CNGA3: variants seen among roughly 807,000 people sequenced by gnomAD.
CNGA3 encodes cyclic nucleotide gated channel subunit alpha 3, also known as cyclic nucleotide-gated channel alpha-3.
A neutral mutation model predicts 46.6 loss-of-function variants in CNGA3; 42 were observed. The observed-to-expected ratio is 0.90, with a 90% CI of 0.70 to 1.17. CNGA3 has a LOEUF of 1.17. CNGA3 is among the 50% of genes most tolerant of loss of function. The probability of loss-of-function intolerance (pLI) is 0.00; values close to 1 mark genes in which losing one functional copy is unlikely to be tolerated. For missense variants in CNGA3, 893 were observed against 890.7 expected, an observed-to-expected ratio of 1.00 and a Z score of -0.03; for synonymous variants, 394 against 369.4, an observed-to-expected ratio of 1.07 and a Z score of -0.76.
chr2:98,373,345 A>C (rs1034623209), intron 2 of CNGA3, among the ~76,000 whole-genome samples: 2 of 152,232 alleles, frequency 1.3e-5, no homozygotes, highest in Non-Finnish European at 2.9e-5. Flanking sequence ...CAGTCCTTTT[A>C]GAAAGCTTTA....
chr2:98,393,785 G>A (rs1313627231), intron 7 of CNGA3, among the ~76,000 whole-genome samples: 1 of 152,032 alleles, frequency 6.6e-6, no homozygotes, highest in African/African-American at 2.4e-5. Context: ...GGGAGGCACA[G>A]GAATCACACT....
chr2:98,370,342 C>G (rs560170842), intron 2 of CNGA3, among the ~76,000 whole-genome samples: 141 of 152,310 alleles, frequency 9.3e-4, no homozygotes, highest in Middle Eastern at 3.4e-3. Flanking sequence ...AATGAAGACT[C>G]AAATGCAGCA....
chr2:98,394,503 A>G (rs964739410), intron 7 of CNGA3, among the ~76,000 whole-genome samples: 1 of 152,240 alleles, frequency 6.6e-6, no homozygotes, highest in Admixed American at 6.5e-5. Flanking sequence ...TTTCAAATGT[A>G]TGCAAAAGCA....
At chr2:98,380,502 G>A (rs1574378369) in intron 4 of CNGA3, 148 bp downstream of exon 4, 1 of 1,042,850 alleles carries the variant, frequency 9.6e-7, no homozygotes, top group Non-Finnish European at 1.4e-6. Flanking sequence ...GTTTGCCCTT[G>A]GGGGAGCACT....
At chr2:98,356,811 C>T (rs979706380) in intron 1 of CNGA3, among the ~76,000 whole-genome samples, 1 of 152,176 alleles carries the variant, frequency 6.6e-6, no homozygotes, top group Non-Finnish European at 1.5e-5. Context: ...TTCGGAAGCA[C>T]GTTCAGTCTA....
chr2:98,362,942 G>T (rs1199484284), intron 1 of CNGA3, among the ~76,000 whole-genome samples: 1 of 152,118 alleles, frequency 6.6e-6, no homozygotes, highest in African/African-American at 2.4e-5. Flanking sequence ...GGTCAGATTT[G>T]TTAAAGATCA....
chr2:98,378,097 G>A (rs1162552810), intron 3 of CNGA3: 1 of 1,550,930 alleles, frequency 6.4e-7, no homozygotes, highest in East Asian at 2.4e-5. Flanking sequence ...CGGAGAAGGT[G>A]GTAAGAGCAG....
chr2:98,371,537 G>A (rs1265214017), intron 2 of CNGA3, among the ~76,000 whole-genome samples: 1 of 152,176 alleles, frequency 6.6e-6, no homozygotes, highest in Non-Finnish European at 1.5e-5. Context: ...AGATCCCAGA[G>A]CATCCCAACA....
intron 6 of CNGA3, among the ~76,000 whole-genome samples, 153 bp from the exon 7 acceptor site, chr2:98,391,711 G>A (rs545988306): frequency 6.6e-6 from 1 of 152,284 alleles, no homozygotes; most frequent in Admixed American, 6.5e-5. Flanking sequence ...ATCAGAAGCG[G>A]GGGTGATTAC....
At chr2:98,370,910 G>C (rs1401502861) in intron 2 of CNGA3, among the ~76,000 whole-genome samples, 1 of 152,060 alleles carries the variant, frequency 6.6e-6, no homozygotes, top group African/African-American at 2.4e-5. Context: ...GTGCAATCTC[G>C]GCTCACTGGG....
rs948368161 is a variant in CNGA3, at chr2:98,356,575, G to A, written c.-38+10041G>A. ...CCCAAGGATGATGATCATTCAGAAC[G>A]ACTTCCAGTGGACTTACAGTGCATC... On this transcript the variant is annotated intron_variant, in intron 1 of 7. Transcript: ENST00000272602. Among the ~76,000 whole-genome samples, 13 of 152,162 alleles carry A rather than the reference G, an allele frequency of 8.5e-5. No individual in the cohort carries two copies. The East Asian group carries it at 1.2e-3, about 14-fold the overall frequency.
Position 98,392,266 on chromosome 2 carries a change from A to C in CNGA3, c.673+296A>C, listed in dbSNP as rs531443835. Among the ~76,000 whole-genome samples, 4 of 152,332 alleles carry C rather than the reference A, an allele frequency of 2.6e-5. No individual in the cohort carries two copies. In the East Asian group the frequency reaches 5.8e-4, roughly 22 times the overall value. ...GGGCCTTGTTCTTGTCACCTCTGAGATAAGCAGGCCAGGCCAGGTGCAGTG... is the reference window on the plus strand; with the variant it reads ...GGGCCTTGTTCTTGTCACCTCTGAGCTAAGCAGGCCAGGCCAGGTGCAGTG... On this transcript the variant is annotated intron_variant, in intron 7 of 7. Transcript: ENST00000272602.
At chr2:98,354,492 G>A (rs577511810) in intron 1 of CNGA3, among the ~76,000 whole-genome samples, 2 of 152,104 alleles carry the variant, frequency 1.3e-5, no homozygotes, top group Non-Finnish European at 2.9e-5. Context: ...ATATCTTGTG[G>A]ATATATGCCA....
At chr2:98,347,052 C>G (rs966637768) in intron 1 of CNGA3, 1 of 152,254 alleles carries the variant, frequency 6.6e-6, no homozygotes, top group African/African-American at 2.4e-5. Flanking sequence ...CGCGTCTTCT[C>G]GAGTCCGCGC....
intron 1 of CNGA3, among the ~76,000 whole-genome samples, chr2:98,353,426 T>C (rs1410985000): frequency 6.6e-6 from 1 of 152,194 alleles, no homozygotes; most frequent in Non-Finnish European, 1.5e-5. Context: ...ATTTGCATTG[T>C]AGGGTTTTAT....
At chr2:98,395,050 A>G (rs1422054817) in intron 7 of CNGA3, among the ~76,000 whole-genome samples, 1 of 152,138 alleles carries the variant, frequency 6.6e-6, no homozygotes, top group Non-Finnish European at 1.5e-5. Flanking sequence ...GACATCCTCA[A>G]AACCCTCTTT....
In CNGA3 at chr2:98,398,535, C is replaced by A. The variant is rs1056928736; in HGVS notation, c.*1280C>A. The A allele has an allele frequency of 6.6e-5, 10 of 151,940 alleles. No individual in the cohort carries two copies. Among genetic ancestry groups the A allele is most frequent in the Admixed American group, 5.9e-4 (9 of 15,254 alleles). 9.4% of individuals were successfully genotyped at this position (151,940 alleles called of 1,614,324 possible). On this transcript the variant is annotated 3_prime_UTR_variant, in exon 8 of 8. Transcript: ENST00000272602. ...CCTCAAAATGTATATATTTTAAAAG[C>A]CTTAACTGTTAGTTATGCCTGCATT...
chr2:98,368,016 C>T (rs62156320), intron 1 of CNGA3, among the ~76,000 whole-genome samples: 8,182 of 152,306 alleles, frequency 0.054, 296 homozygotes, highest in Non-Finnish European at 0.083. Flanking sequence ...GAACAGGCTT[C>T]GTTTTATTTC....
intron 7 of CNGA3, among the ~76,000 whole-genome samples, 179 bp from the exon 8 acceptor site, chr2:98,395,665 G>C (rs937928051): frequency 2.0e-5 from 3 of 152,038 alleles, no homozygotes; most frequent in Non-Finnish European, 4.4e-5. Flanking sequence ...GAACCTCATA[G>C]AATAGAAAAT....
Sources: allele counts gnomAD v4.1 joint callset (sites outside exome capture counted in the v4.1 genomes callset), GRCh38; gene constraint gnomAD v4.1.1; transcripts MANE v1.5; gene names NCBI Gene and HGNC (gene_info 2026-07-23, HGNC 2026-07-21).